ZNF385D: variants seen among roughly 807,000 people sequenced by gnomAD.
ZNF385D encodes the protein zinc finger protein 385D.
Under a neutral mutation model 35.8 loss-of-function variants are expected in ZNF385D, and 15 were observed. That is an observed-to-expected ratio of 0.42 (90% CI 0.28 to 0.64). The LOEUF (loss-of-function observed/expected upper bound fraction) is 0.64, where lower values mean the gene tolerates loss of function less well. ZNF385D is among the 30% of genes least tolerant of loss of function. The probability of loss-of-function intolerance (pLI) is 0.23; values close to 1 mark genes in which losing one functional copy is unlikely to be tolerated. For missense variants in ZNF385D, 474 were observed against 494.6 expected (o/e 0.96, Z 0.39); for synonymous variants, 212 against 186.8 (o/e 1.13, Z -1.10).
intron 3 of ZNF385D, among the ~76,000 whole-genome samples, chr3:21,518,125 G>T (rs1707692005): frequency 6.6e-6 from 1 of 152,106 alleles, no homozygotes; most frequent in African/African-American, 2.4e-5. Flanking sequence ...GGCACTTCTT[G>T]CTGAAGTCCA....
chr3:21,730,075 A>G (rs1436360209), intron 1 of ZNF385D, among the ~76,000 whole-genome samples: 3 of 152,184 alleles, frequency 2.0e-5, no homozygotes, highest in African/African-American at 7.2e-5. Flanking sequence ...TACACACATT[A>G]TCTCATTTAA....
At chr3:21,488,666 G>A (rs1264047318) in intron 4 of ZNF385D, among the ~76,000 whole-genome samples, 9 of 151,998 alleles carry the variant, frequency 5.9e-5, no homozygotes, top group Non-Finnish European at 2.9e-5. Flanking sequence ...TCAGCTTTCT[G>A]TCCATCCATT....
Position 22,258,731 on chromosome 3 carries a change from G to T in ZNF385D, c.107-89696C>A, listed in dbSNP as rs1700447740. On this transcript the variant is annotated intron_variant, in intron 2 of 5. Transcript: ENST00000494108. The stretch of plus-strand genomic sequence containing the variant: ...CACATCAGAAATGAAAACTCAAATT[G>T]TTAAATATTTATTTAAAAATATAAT... 2.0e-5 allele frequency among the ~76,000 whole-genome samples: 3 copies of T among 151,364 alleles called. No individual in the cohort carries two copies. The South Asian group carries it at 6.2e-4, about 31-fold the overall frequency.
intron 2 of ZNF385D, among the ~76,000 whole-genome samples, chr3:21,564,899 A>C (rs1303260617): frequency 6.6e-6 from 1 of 152,330 alleles, no homozygotes; most frequent in East Asian, 1.9e-4. Context: ...TGATAAATTT[A>C]CCCATTAGAG....
At chr3:21,879,713 C>G (rs764401580) in intron 3 of ZNF385D, among the ~76,000 whole-genome samples, 1 of 151,972 alleles carries the variant, frequency 6.6e-6, no homozygotes, top group African/African-American at 2.4e-5. Flanking sequence ...CCGCTAGGCG[C>G]TTCATTGAAA....
chr3:22,322,474 A>G (rs1694486750), intron 2 of ZNF385D, among the ~76,000 whole-genome samples: 1 of 152,178 alleles, frequency 6.6e-6, no homozygotes, highest in African/African-American at 2.4e-5. Context: ...TTTTTAGGTA[A>G]CTTGGATTGG....
At chr3:21,599,511 G>T (rs2064221175) in intron 2 of ZNF385D, among the ~76,000 whole-genome samples, 1 of 152,132 alleles carries the variant, frequency 6.6e-6, no homozygotes, top group African/African-American at 2.4e-5. Context: ...TTGAAAATCT[G>T]CCATGAGCTA....
intron 2 of ZNF385D, among the ~76,000 whole-genome samples, chr3:22,299,017 A>G (rs938297844): frequency 1.1e-4 from 16 of 151,984 alleles, no homozygotes; most frequent in African/African-American, 3.9e-4. Flanking sequence ...TGATTACAAT[A>G]TATCACAGAG....
chr3:21,917,518 A>G (rs34164902), intron 3 of ZNF385D, among the ~76,000 whole-genome samples: 81,353 of 152,062 alleles, frequency 0.53, 23,829 homozygotes, highest in South Asian at 0.66. Flanking sequence ...AGTGGAAAGC[A>G]TTAGAATAGA....
intron 3 of ZNF385D, among the ~76,000 whole-genome samples, chr3:21,987,235 C>A (rs1264493385): frequency 5.0e-5 from 7 of 138,848 alleles, no homozygotes; most frequent in Non-Finnish European, 1.1e-4. Flanking sequence ...TGATTTTGCT[C>A]GTTAGTTGAT....
intron 2 of ZNF385D, among the ~76,000 whole-genome samples, chr3:22,265,075 T>A (rs528061696): frequency 1.4e-4 from 22 of 152,002 alleles, no homozygotes; most frequent in Non-Finnish European, 2.8e-4. Flanking sequence ...ATTACATCAC[T>A]GGGATAGAAT....
chr3:22,336,615 A>C (rs1444710220), intron 2 of ZNF385D, among the ~76,000 whole-genome samples: 1 of 152,082 alleles, frequency 6.6e-6, no homozygotes, highest in Non-Finnish European at 1.5e-5. Context: ...CAAGTATTTC[A>C]CTACACATCA....
At chr3:22,058,735 C>G (rs1340168943) in intron 3 of ZNF385D, among the ~76,000 whole-genome samples, 2 of 152,112 alleles carry the variant, frequency 1.3e-5, no homozygotes, top group East Asian at 3.8e-4. Context: ...CAAATCTATA[C>G]CATTTCAAAT....
chr3:22,111,825 C>T (rs1281232537), intron 3 of ZNF385D, among the ~76,000 whole-genome samples: 1 of 152,154 alleles, frequency 6.6e-6, no homozygotes, highest in South Asian at 2.1e-4. Flanking sequence ...AGCTAACTCA[C>T]TGTTCTATTG....
chr3:21,540,843 T>C (rs916974990), intron 3 of ZNF385D, among the ~76,000 whole-genome samples: 13 of 152,230 alleles, frequency 8.5e-5, no homozygotes, highest in African/African-American at 3.1e-4. Flanking sequence ...TTTCATGGCA[T>C]ATCTTGCCTC....
At chr3:21,430,991 A>T (rs1299150593) in intron 5 of ZNF385D, 1 of 152,126 alleles carries the variant, frequency 6.6e-6, no homozygotes, top group African/African-American at 2.4e-5. Context: ...TTGCTAGAAA[A>T]TTCAAAGAGC....
Position 22,108,344 on chromosome 3 carries a change from T to C in ZNF385D, c.325+60473A>G, listed in dbSNP as rs181977862. ...GATGTGTTTATTAACACAGAAACTA[T>C]ACATATAATGAAAGGTTTTTTTTGT... On this transcript the variant is annotated intron_variant, in intron 3 of 5. Transcript: ENST00000494108. Among the ~76,000 whole-genome samples the C allele has an allele frequency of 3.1e-4, 47 of 152,090 alleles. 1 individual carries two copies. In the East Asian group the frequency reaches 7.5e-3, roughly 24 times the overall value.
intron 3 of ZNF385D, among the ~76,000 whole-genome samples, chr3:22,117,819 T>C (rs185916402): frequency 6.6e-6 from 1 of 152,150 alleles, no homozygotes; most frequent in African/African-American, 2.4e-5. Context: ...AGCATTTAGA[T>C]GACAAAGGTA....
At chr3:21,943,788 C>T (rs190426365) in intron 3 of ZNF385D, among the ~76,000 whole-genome samples, 13 of 152,188 alleles carry the variant, frequency 8.5e-5, no homozygotes, top group Admixed American at 7.8e-4. Context: ...GTAATTTAGT[C>T]CTGGCAGTTT....
Sources: allele counts gnomAD v4.1 joint callset (sites outside exome capture counted in the v4.1 genomes callset), GRCh38; gene constraint gnomAD v4.1.1; transcripts MANE v1.5; gene names NCBI Gene and HGNC (gene_info 2026-07-23, HGNC 2026-07-21).